PEX5L: variants seen among roughly 807,000 people sequenced by gnomAD.
The protein encoded by PEX5L is PEX5-related protein.
PEX5L carries 30 observed loss-of-function variants against 84.0 expected under a neutral mutation model. The observed-to-expected ratio is 0.36, with a 90% confidence interval of 0.27 to 0.48. The LOEUF (loss-of-function observed/expected upper bound fraction) is 0.48, where lower values mean the gene tolerates loss of function less well. PEX5L is among the 20% of genes least tolerant of loss of function. The pLI is 0.99. For missense variants in PEX5L, 533 were observed against 754.6 expected (o/e 0.71, Z 3.44); for synonymous variants, 270 against 283.1 (o/e 0.95, Z 0.46).
At chr3:180,017,629 T>G (rs944379813) in intron 1 of PEX5L, among the ~76,000 whole-genome samples, 1 of 151,950 alleles carries the variant, frequency 6.6e-6, no homozygotes, top group African/African-American at 2.4e-5. Flanking sequence ...ACTTTATATA[T>G]AATTATATTT....
At chr3:179,971,932 G>A (rs1169056656) in intron 1 of PEX5L, among the ~76,000 whole-genome samples, 3 of 151,848 alleles carry the variant, frequency 2.0e-5, no homozygotes, top group African/African-American at 4.8e-5. Flanking sequence ...TCTCTTTTTA[G>A]TTCTATAGTA....
intron 8 of PEX5L, among the ~76,000 whole-genome samples, chr3:179,848,387 CA>C (rs1284470944): frequency 2.0e-5 from 3 of 151,506 alleles, no homozygotes; most frequent in African/African-American, 7.3e-5. Context: ...TCCGTCTCTA[CA>C]AAAAATACAA....
chr3:179,934,021 G>A (rs755448120), intron 2 of PEX5L, among the ~76,000 whole-genome samples: 2 of 152,186 alleles, frequency 1.3e-5, no homozygotes, highest in African/African-American at 2.4e-5. Context: ...AAGAAGAAAC[G>A]GATATCCTCT....
chr3:179,821,981 A>C (rs1309158499), intron 8 of PEX5L, among the ~76,000 whole-genome samples: 1 of 152,244 alleles, frequency 6.6e-6, no homozygotes, highest in Admixed American at 6.5e-5. Flanking sequence ...TTAAACAACA[A>C]AACAAAAATA....
chr3:179,931,652 T>C (rs1367285745), intron 2 of PEX5L, among the ~76,000 whole-genome samples: 1 of 152,150 alleles, frequency 6.6e-6, no homozygotes, highest in Admixed American at 6.5e-5. Flanking sequence ...GCTATAATTT[T>C]TTTTCTAAAG....
intron 3 of PEX5L, among the ~76,000 whole-genome samples, chr3:179,890,618 C>T (rs545338840): frequency 3.9e-5 from 6 of 152,106 alleles, no homozygotes; most frequent in African/African-American, 7.2e-5. Flanking sequence ...AGCTATATTC[C>T]GTGGAAAATC....
intron 1 of PEX5L, 60 bp from the exon 2 acceptor site, chr3:179,971,725 T>C (rs1784798411): frequency 2.1e-6 from 3 of 1,424,842 alleles, no homozygotes; most frequent in Non-Finnish European, 2.8e-6. Context: ...ATCTTAATTC[T>C]ACTTAATATT....
intron 8 of PEX5L, among the ~76,000 whole-genome samples, chr3:179,855,195 GA>G (rs1429489719): frequency 6.6e-6 from 1 of 152,188 alleles, no homozygotes; most frequent in Non-Finnish European, 1.5e-5. Flanking sequence ...TGCCGATCAT[GA>G]GGCAGGATGA....
chr3:179,971,803 G>T, intron 1 of PEX5L, 138 bp from the exon 2 acceptor site: 1 of 825,830 alleles, frequency 1.2e-6, no homozygotes, highest in Non-Finnish European at 1.7e-6. Context: ...AATTGCTCAT[G>T]TACAACAGCA....
chr3:179,813,548 G>A (rs907933773), intron 10 of PEX5L, among the ~76,000 whole-genome samples: 1 of 152,100 alleles, frequency 6.6e-6, no homozygotes, highest in Non-Finnish European at 1.5e-5. Flanking sequence ...ACTGAGGCTG[G>A]AGTGCAGTGG....
chr3:179,886,277 A>G (rs996326354), intron 4 of PEX5L, among the ~76,000 whole-genome samples: 1 of 152,186 alleles, frequency 6.6e-6, no homozygotes, highest in Non-Finnish European at 1.5e-5. Context: ...GGATCAGAGG[A>G]ATGAACCTCA....
chr3:179,806,265 C>T (rs1439880469), intron 14 of PEX5L, among the ~76,000 whole-genome samples: 1 of 152,144 alleles, frequency 6.6e-6, no homozygotes, highest in African/African-American at 2.4e-5. Context: ...ACAAAATAGA[C>T]ATCCGCAGGG....
chr3:179,920,802 G>T (rs1769089833), intron 2 of PEX5L, among the ~76,000 whole-genome samples: 1 of 152,080 alleles, frequency 6.6e-6, no homozygotes, highest in African/African-American at 2.4e-5. Flanking sequence ...CTTAATAAAT[G>T]CTCGGAAAGT....
rs563910382 is a variant in PEX5L at position 179,848,177 on chromosome 3, T to TTA, written c.822+10883_822+10884dup. On this transcript the variant is annotated intron_variant, in intron 8 of 14. Transcript: ENST00000467460. ...ATTTTATAGAATACTGATGATTGATTTATACAGTGCAGCACTGCTAAGAAA... is the reference window on the plus strand; with the variant it reads ...ATTTTATAGAATACTGATGATTGATTTATATACAGTGCAGCACTGCTAAGAAA... Among the ~76,000 whole-genome samples the TTA allele has an allele frequency of 5.9e-3, 895 of 152,214 alleles. 18 individuals are homozygous for TTA. The Middle Eastern group carries it at 0.12, about 20-fold the overall frequency.
intron 1 of PEX5L, among the ~76,000 whole-genome samples, chr3:179,982,241 G>C (rs1337122893): frequency 2.6e-5 from 4 of 152,026 alleles, no homozygotes; most frequent in African/African-American, 4.8e-5. Flanking sequence ...TTTGATTCTT[G>C]CTTCTTAGTG....
intron 2 of PEX5L, among the ~76,000 whole-genome samples, chr3:179,957,074 T>C (rs1423322701): frequency 6.6e-6 from 1 of 152,086 alleles, no homozygotes; most frequent in Non-Finnish European, 1.5e-5. Flanking sequence ...TATAAAACTA[T>C]GTAGCAATGT....
chr3:180,010,598 G>C (rs1305991754), intron 1 of PEX5L, among the ~76,000 whole-genome samples: 1 of 151,838 alleles, frequency 6.6e-6, no homozygotes, highest in Non-Finnish European at 1.5e-5. Context: ...TTTATCAAAT[G>C]ACTACACAAC....
chr3:179,832,837 C>T (rs570724965), intron 8 of PEX5L, among the ~76,000 whole-genome samples: 12 of 150,644 alleles, frequency 8.0e-5, no homozygotes, highest in African/African-American at 2.7e-4. Flanking sequence ...CCTACCCTAC[C>T]CACCTACCTA....
intron 4 of PEX5L, 52 bp downstream of exon 4, chr3:179,887,621 C>T (rs1756311937): frequency 1.7e-6 from 2 of 1,145,086 alleles, no homozygotes; most frequent in Admixed American, 3.6e-5. Flanking sequence ...GTGCATTTTA[C>T]TATAGTTAAA....
Sources: allele counts gnomAD v4.1 joint callset (sites outside exome capture counted in the v4.1 genomes callset), GRCh38; gene constraint gnomAD v4.1.1; transcripts MANE v1.5; gene names NCBI Gene and HGNC (gene_info 2026-07-23, HGNC 2026-07-21).